AGPAT4: variants seen among roughly 807,000 people sequenced by gnomAD.
AGPAT4 encodes 1-acylglycerol-3-phosphate O-acyltransferase 4.
Under a neutral mutation model 48.0 loss-of-function variants are expected in AGPAT4, and 15 were observed. The observed-to-expected ratio is 0.31, with a 90% CI of 0.21 to 0.48. The LOEUF is 0.48. AGPAT4 is among the 20% of genes least tolerant of loss of function. AGPAT4 has a pLI of 0.99. For missense variants in AGPAT4, 314 were observed against 482.5 expected, an observed-to-expected ratio of 0.65 and a Z score of 3.27; for synonymous variants, 178 against 198.7, an observed-to-expected ratio of 0.90 and a Z score of 0.88.
intron 2 of AGPAT4, among the ~76,000 whole-genome samples, chr6:161,199,151 A>C (rs1781149817): frequency 6.6e-6 from 1 of 152,172 alleles, no homozygotes. Flanking sequence ...TTCTGCATAA[A>C]TAGCACATTG....
In AGPAT4 at chr6:161,180,974, G is replaced by A. The variant is rs555481624; in HGVS notation, c.179-14557C>T. Among the ~76,000 whole-genome samples, 99 of 152,306 alleles carry A rather than the reference G, an allele frequency of 6.5e-4. No homozygotes were observed. Among genetic ancestry groups the A allele is most frequent in the Admixed American group, 2.1e-3 (32 of 15,302 alleles). On this transcript the variant is annotated intron_variant, in intron 2 of 8. Coordinates refer to ENST00000320285, the MANE Select transcript of AGPAT4 (RefSeq NM_020133.3). This position sits in a 1 kb window ranked among gnomAD's most constrained non-coding sequence, Gnocchi z 6.4. ...AACAAAGTGGAGTTAAGGAAGAAAG[G>A]CCTCTGCTGTCCTATCTGTAAAGAT...
chr6:161,261,873 T>C lies in AGPAT4; in HGVS notation c.-90+12065A>G, dbSNP rs1290848687. Among the ~76,000 whole-genome samples, 1 of 152,144 alleles carries C rather than the reference T, an allele frequency of 6.6e-6. No individual in the cohort carries two copies. Among genetic ancestry groups the C allele is most frequent in the African/African-American group, 2.4e-5 (1 of 41,422 alleles). On this transcript the variant is annotated intron_variant, in intron 1 of 8. Transcript: ENST00000320285. The surrounding 1 kb of genome is among the most constrained non-coding windows in gnomAD (Gnocchi z 5.3). ...CTGGAGAGTGAACAGGCATTGACCT[T>C]CACACCTGGGTAGGGGCTCCTGGGC...
chr6:161,187,000 T>C (rs1028084647), intron 2 of AGPAT4, among the ~76,000 whole-genome samples: 2 of 152,216 alleles, frequency 1.3e-5, no homozygotes, highest in Non-Finnish European at 2.9e-5. Context: ...CCTCAGACTC[T>C]GAAGTCAGAC....
rs531280853 is a variant in AGPAT4 at position 161,130,788 on chromosome 6, C to G, written c.*5752G>C. On this transcript the variant is annotated 3_prime_UTR_variant, in exon 9 of 9. Coordinates refer to ENST00000320285, the MANE Select transcript of AGPAT4 (RefSeq NM_020133.3). ...AGGCCATGCCATTGCTACCCGGAAG[C>G]TGGCTCTGCAGCGTTGTGACTTAGA... 11 of 509,220 alleles carry G rather than the reference C, an allele frequency of 2.2e-5. No homozygotes were observed. In the East Asian group the frequency reaches 6.0e-4, roughly 28 times the overall value. The allele number at this position is 509,220 out of a possible 1,614,324, so 31.5% of individuals were successfully genotyped here.
intron 1 of AGPAT4, among the ~76,000 whole-genome samples, chr6:161,258,653 T>A (rs1187145787): frequency 6.6e-6 from 1 of 151,856 alleles, no homozygotes; most frequent in Non-Finnish European, 1.5e-5. Context: ...TTATTTCTCC[T>A]CCCCACCCCA....
chr6:161,224,429 A>C (rs1404898830), intron 2 of AGPAT4, among the ~76,000 whole-genome samples: 1 of 152,038 alleles, frequency 6.6e-6, no homozygotes, highest in Non-Finnish European at 1.5e-5. Context: ...GGATCACTTG[A>C]GGTCAGGAGT....
rs924893626 is a variant in AGPAT4, at chr6:161,272,488, C to T, written c.-90+1450G>A. Among the ~76,000 whole-genome samples the T allele has an allele frequency of 4.3e-5, 6 of 140,316 alleles. No individual in the cohort carries two copies. Among genetic ancestry groups the T allele is most frequent in the African/African-American group, 1.4e-4 (5 of 34,844 alleles). 92.1% of individuals were successfully genotyped at this position (140,316 alleles called of 152,430 possible). On this transcript the variant is annotated intron_variant, in intron 1 of 8. Coordinates refer to ENST00000320285, the MANE Select transcript of AGPAT4 (RefSeq NM_020133.3). This position sits in a 1 kb window ranked among gnomAD's most constrained non-coding sequence, Gnocchi z 4.2. ...TACTGAATAAAAGCATCAGTTTAGCCGGTACCTGTTAAGAGGCTATGTCTT... is the reference window on the plus strand; with the variant it reads ...TACTGAATAAAAGCATCAGTTTAGCTGGTACCTGTTAAGAGGCTATGTCTT...
intron 2 of AGPAT4, among the ~76,000 whole-genome samples, chr6:161,211,037 C>T (rs1191889516): frequency 1.3e-5 from 2 of 152,194 alleles, no homozygotes; most frequent in Non-Finnish European, 2.9e-5. Context: ...CAGGAATGAG[C>T]AAGGACAGCT....
chr6:161,196,466 G>A lies in AGPAT4; in HGVS notation c.179-30049C>T, dbSNP rs1781067290. Among the ~76,000 whole-genome samples, 1 of 152,050 alleles carries A rather than the reference G, an allele frequency of 6.6e-6. No individual in the cohort carries two copies. The highest frequency in any genetic ancestry group is 2.4e-5 in the African/African-American group (1 of 41,372). On this transcript the variant is annotated intron_variant, in intron 2 of 8. Coordinates refer to ENST00000320285, the MANE Select transcript of AGPAT4 (RefSeq NM_020133.3). The surrounding 1 kb of genome is among the most constrained non-coding windows in gnomAD (Gnocchi z 4.3). ...AAATAGGTCTGAAGCAACAGAGTTA[G>A]GGCAAAGACTAGAGTTACAAGTCAC...
rs554610151 is a variant in AGPAT4 at position 161,219,872 on chromosome 6, TAGGCAGGCAGGCAGGCAGGCAGGC to T, written c.178+12140_178+12163del. On this transcript the variant is annotated intron_variant, in intron 2 of 8. Coordinates refer to ENST00000320285, the MANE Select transcript of AGPAT4 (RefSeq NM_020133.3). The surrounding 1 kb of genome is among the most constrained non-coding windows in gnomAD (Gnocchi z 4.9). ...ATAGATAGATAGATAGATAGATAGA[TAGGCAGGCAGGCAGGCAGGCAGGC>T]AGGCAGGCAGGCAGGCAGGCGGCAG... 8.3e-6 allele frequency among the ~76,000 whole-genome samples: 1 copy of T among 121,166 alleles called. No individual in the cohort carries two copies. Among genetic ancestry groups the T allele is most frequent in the African/African-American group, 2.8e-5 (1 of 35,238 alleles). The allele number at this position is 121,166 out of a possible 152,430, so 79.5% of individuals were successfully genotyped here. A position where few individuals can be genotyped will look rare whatever the true frequency, so the allele number is the denominator to read the frequency against.
Position 161,165,729 on chromosome 6 carries a change from A to G in AGPAT4, c.348+519T>C. The G allele has an allele frequency of 1.2e-6, 1 of 844,076 alleles. No individual in the cohort carries two copies. Among genetic ancestry groups the G allele is most frequent in the African/African-American group, 1.7e-5 (1 of 57,348 alleles). 52.3% of individuals were successfully genotyped at this position (844,076 alleles called of 1,614,324 possible). ...AGAGGTCAAACTAGTTGGGAAAAAAAAAAAACAGAATTTCAGAATAATTCT... is the reference window on the plus strand; with the variant it reads ...AGAGGTCAAACTAGTTGGGAAAAAAGAAAAACAGAATTTCAGAATAATTCT... On this transcript the variant is annotated intron_variant, in intron 3 of 8. Transcript: ENST00000320285. This position sits in a 1 kb window ranked among gnomAD's most constrained non-coding sequence, Gnocchi z 5.5.
Position 161,140,148 on chromosome 6 carries a change from C to T in AGPAT4, c.844-528G>A, listed in dbSNP as rs1779204748. ...CAGCCAGTTCACCTCGGGCAGCCCACCCGCACCTACCACCCTGTTTGCCAC... is the reference window on the plus strand; with the variant it reads ...CAGCCAGTTCACCTCGGGCAGCCCATCCGCACCTACCACCCTGTTTGCCAC... On this transcript the variant is annotated intron_variant, in intron 7 of 8. Transcript: ENST00000320285. The surrounding 1 kb of genome is among the most constrained non-coding windows in gnomAD (Gnocchi z 6.5). Among the ~76,000 whole-genome samples the T allele has an allele frequency of 1.3e-5, 2 of 152,234 alleles. No individual in the cohort carries two copies. The highest frequency in any genetic ancestry group is 4.1e-4 in the South Asian group (2 of 4,826).
rs913564126 is a variant in AGPAT4, at chr6:161,204,682, TA to T, written c.178+27353del. ...ATGGTTGTTTGTCATCAGCAGCTGT[TA>T]AAAAAAAATGTTCCCTAAATTCACA... On this transcript the variant is annotated intron_variant, in intron 2 of 8. Coordinates refer to ENST00000320285, the MANE Select transcript of AGPAT4 (RefSeq NM_020133.3). This position sits in a 1 kb window ranked among gnomAD's most constrained non-coding sequence, Gnocchi z 4.4. Among the ~76,000 whole-genome samples, 12 of 150,978 alleles carry T rather than the reference TA, an allele frequency of 7.9e-5. No individual in the cohort carries two copies. Among genetic ancestry groups the T allele is most frequent in the Admixed American group, 2.6e-4 (4 of 15,136 alleles).
In AGPAT4 at chr6:161,161,027, G is replaced by C. The variant is rs1281333544; in HGVS notation, c.348+5221C>G. 2.2e-6 allele frequency: 1 copy of C among 444,478 alleles called. No homozygotes were observed. Among genetic ancestry groups the C allele is most frequent in the Non-Finnish European group, 4.5e-6 (1 of 221,820 alleles). 27.5% of individuals were successfully genotyped at this position (444,478 alleles called of 1,614,324 possible). A position where few individuals can be genotyped will look rare whatever the true frequency, so the allele number is the denominator to read the frequency against. On this transcript the variant is annotated intron_variant, in intron 3 of 8. Transcript: ENST00000320285. The surrounding 1 kb of genome is among the most constrained non-coding windows in gnomAD (Gnocchi z 4.6). ...GGGCCCTAAGCACAGAGCACGAAAG[G>C]GGGACAGTTCATGGGATGATACCAA... is the stretch of plus-strand genomic sequence containing the variant.
rs1414655085 is a variant in AGPAT4, at chr6:161,195,754, G to A, written c.179-29337C>T. 6.6e-6 allele frequency among the ~76,000 whole-genome samples: 1 copy of A among 152,198 alleles called. No homozygotes were observed. The highest frequency in any genetic ancestry group is 2.4e-5 in the African/African-American group (1 of 41,450). ...CAAAACTACACATGCAGAGAACCTG[G>A]AGACATTTAGGGAGGCATGCCACAC... On this transcript the variant is annotated intron_variant, in intron 2 of 8. Coordinates refer to ENST00000320285, the MANE Select transcript of AGPAT4 (RefSeq NM_020133.3). The surrounding 1 kb of genome is among the most constrained non-coding windows in gnomAD (Gnocchi z 5.0).
At position 161,262,117 on chromosome 6, in the gene AGPAT4, CT is replaced by C. The variant is rs1170219522; in HGVS notation, c.-90+11820del. Among the ~76,000 whole-genome samples, 8 of 152,018 alleles carry C rather than the reference CT, an allele frequency of 5.3e-5. No individual in the cohort carries two copies. Among genetic ancestry groups the C allele is most frequent in the African/African-American group, 1.9e-4 (8 of 41,486 alleles). ...CAGCCTGGGCCCTGGCTCTGGGTTT[CT>C]TTTTTTTCAAAGTCACCCTCTTCTG... On this transcript the variant is annotated intron_variant, in intron 1 of 8. Transcript: ENST00000320285. This position sits in a 1 kb window ranked among gnomAD's most constrained non-coding sequence, Gnocchi z 4.9.
intron 3 of AGPAT4, among the ~76,000 whole-genome samples, chr6:161,163,631 C>T (rs766309843): frequency 7.2e-5 from 11 of 152,212 alleles, no homozygotes; most frequent in Non-Finnish European, 1.5e-4. Flanking sequence ...CAGTGCCTGC[C>T]ATGTGCCTGC....
At position 161,149,591 on chromosome 6, in the gene AGPAT4, G is replaced by A. The variant is rs911183846; in HGVS notation, c.665-302C>T. ...GATGGAGTCTCACTCTGTCACCCAG[G>A]AGTGCAGTGGTGCAATCTCGGCTCA... On this transcript the variant is annotated intron_variant, in intron 5 of 8. Transcript: ENST00000320285. This position sits in a 1 kb window ranked among gnomAD's most constrained non-coding sequence, Gnocchi z 6.5. Among the ~76,000 whole-genome samples, 31 of 152,108 alleles carry A rather than the reference G, an allele frequency of 2.0e-4. No individual in the cohort carries two copies. Among genetic ancestry groups the A allele is most frequent in the Non-Finnish European group, 3.7e-4 (25 of 68,008 alleles).
Position 161,166,365 on chromosome 6 carries a change from C to G in AGPAT4, c.231G>C (p.Thr77=), listed in dbSNP as rs768116636. Residue 77 remains threonine, a synonymous_variant, in exon 3 of 9, where the codon ACG becomes ACC. Transcript: ENST00000320285. This position sits in a 1 kb window ranked among gnomAD's most constrained non-coding sequence, Gnocchi z 6.7. ...CATACTTGAGGTAGGCGCGCGGGTC[C>G]GTGAAGATGGTGCATTCCGTGCCCG... ...WWSGTECTIF[T]DPRAYLKYGK... 2 of 1,613,802 alleles carry G rather than the reference C, an allele frequency of 1.2e-6. No individual in the cohort carries two copies. Among genetic ancestry groups the G allele is most frequent in the Non-Finnish European group, 1.7e-6 (2 of 1,179,926 alleles).
Sources: allele counts gnomAD v4.1 joint callset (sites outside exome capture counted in the v4.1 genomes callset), GRCh38; gene constraint gnomAD v4.1.1; non-coding constraint Gnocchi (gnomAD v3.1); transcripts MANE v1.5; gene names NCBI Gene and HGNC (gene_info 2026-07-23, HGNC 2026-07-21).